Variants in DDX21 observed in about 807,000 individuals in gnomAD.
The protein encoded by DDX21 is DExD-box helicase 21, also known as nucleolar RNA helicase 2.
Under a neutral mutation model 90.0 loss-of-function variants are expected in DDX21, and 18 were observed. The observed-to-expected ratio is 0.20, with a 90% CI of 0.14 to 0.30. The LOEUF is 0.30. Among genes scored for constraint, DDX21 ranks in the 10% least tolerant of loss-of-function variants. The pLI is 1.00. For missense variants in DDX21, 673 were observed against 944.5 expected (o/e 0.71, Z 3.77); for synonymous variants, 294 against 318.0 (o/e 0.92, Z 0.80).
intron 8 of DDX21, among the ~76,000 whole-genome samples, chr10:68,970,787 C>G (rs369665650): frequency 6.6e-6 from 1 of 151,738 alleles, no homozygotes; most frequent in African/African-American, 2.4e-5. Flanking sequence ...CAAGTAGCTG[C>G]GATTACAGGC....
chr10:68,968,844 C>A, intron 6 of DDX21, 132 bp from the exon 7 acceptor site: 2 of 933,792 alleles, frequency 2.1e-6, no homozygotes, highest in Non-Finnish European at 1.6e-6. Context: ...GTTTTGTGTC[C>A]TCAGTGCCCG....
intron 11 of DDX21, among the ~76,000 whole-genome samples, chr10:68,976,862 C>A (rs1371499506): frequency 6.6e-6 from 1 of 152,138 alleles, no homozygotes; most frequent in East Asian, 1.9e-4. Context: ...AATAGTGACC[C>A]CCTTAAGAAT....
intron 7 of DDX21, among the ~76,000 whole-genome samples, chr10:68,969,755 T>G (rs1351700673): frequency 6.6e-6 from 1 of 152,208 alleles, no homozygotes; most frequent in East Asian, 1.9e-4. Flanking sequence ...AGTTTAAAAT[T>G]TCACCTTTGA....
In DDX21 at chr10:68,956,252, T is replaced by C. The variant is rs775845397; in HGVS notation, c.27T>C (p.Ala9=). The change falls in exon 1 of 15, where the codon GCT becomes GCC. Residue 9 remains alanine, a synonymous_variant. Transcript: ENST00000354185. MPGKLRSD[A]GLESDTAMKK... ...TGCCGGGAAAACTCCGTAGTGACGCTGGTTTGGAATCAGACACCGCAATGA... is the reference window on the plus strand; with the variant it reads ...TGCCGGGAAAACTCCGTAGTGACGCCGGTTTGGAATCAGACACCGCAATGA... 1 of 1,614,108 alleles carries C rather than the reference T, an allele frequency of 6.2e-7. No individual in the cohort carries two copies. The highest frequency in any genetic ancestry group is 1.1e-5 in the South Asian group (1 of 91,082).
rs1375433778 is a variant in DDX21, at chr10:68,973,624, A to G, written c.1628A>G (p.His543Arg). The G allele has an allele frequency of 1.9e-6, 3 of 1,614,188 alleles. No individual in the cohort carries two copies. The African/African-American group carries it at 4.0e-5, about 22-fold the overall frequency. Residue 543 changes from histidine (H) to arginine (R), a missense_variant, in exon 10 of 15, where the codon CAC (histidine) becomes CGC (arginine). This residue lies in a region of DDX21 where 225 missense variants were observed against 298.8 expected (regional missense o/e 0.75). Coordinates refer to ENST00000354185, the MANE Select transcript of DDX21 (RefSeq NM_004728.4). ...GGGGTGTGCATCTGCTTTTATCAGC[A>G]CAAGGAAGAATATCAGTTAGTACAA... ...RTGVCICFYQ[H>R]KEEYQLVQVE...
At chr10:68,979,488 T>TA (rs1339241682) in intron 13 of DDX21, among the ~76,000 whole-genome samples, 2 of 152,220 alleles carry the variant, frequency 1.3e-5, no homozygotes, top group Non-Finnish European at 2.9e-5. Context: ...TATTGATACT[T>TA]ACTGTATTAG....
Position 68,956,294 on chromosome 10 carries a change from G to A in DDX21, c.69G>A (p.Leu23=). The A allele has an allele frequency of 5.0e-6, 8 of 1,614,234 alleles. No individual in the cohort carries two copies. Among genetic ancestry groups the A allele is most frequent in the Non-Finnish European group, 5.1e-6 (6 of 1,180,038 alleles). ...CCGCAATGAAAAAAGGGGAGACACT[G>A]CGAAAGCAAACCGAGGAGGTGAAAC... ...SDTAMKKGET[L]RKQTEEKEKK... is the part of the protein sequence containing the mutation. The change falls in exon 1 of 15, where the codon CTG becomes CTA. Residue 23 remains leucine, a synonymous_variant. Coordinates refer to ENST00000354185, the MANE Select transcript of DDX21 (RefSeq NM_004728.4).
chr10:68,956,363 C>A, intron 1 of DDX21, 51 bp downstream of exon 1: 1 of 1,609,282 alleles, frequency 6.2e-7, no homozygotes, highest in Non-Finnish European at 8.5e-7. Flanking sequence ...GAGCGGAACC[C>A]CGGGGTGCGG....
At chr10:68,956,626 C>G in intron 1 of DDX21, 13 of 1,198,596 alleles carry the variant, frequency 1.1e-5, no homozygotes, top group Non-Finnish European at 1.4e-5. Context: ...CACGTGGTCC[C>G]CGGCGACTTG....
At chr10:68,963,221 C>A in intron 3 of DDX21, 70 bp from the exon 4 acceptor site, 1 of 1,474,830 alleles carries the variant, frequency 6.8e-7, no homozygotes, top group Non-Finnish European at 9.2e-7. Context: ...GAGTAGTATA[C>A]TTCAGTATGT....
Position 68,962,161 on chromosome 10 carries a change from A to G in DDX21, c.607+4A>G, listed in dbSNP as rs1226229513. On this transcript the variant is annotated splice_donor_region_variant and intron_variant, in intron 3 of 14. Coordinates refer to ENST00000354185, the MANE Select transcript of DDX21 (RefSeq NM_004728.4). ...GAAACTATTAAACTTCTCAAAGGTA[A>G]TGTTCTTGGAAATATCGTATGATGT... 1.9e-6 allele frequency: 3 copies of G among 1,586,026 alleles called. No homozygotes were observed. Among genetic ancestry groups the G allele is most frequent in the East Asian group, 2.2e-5 (1 of 44,660 alleles).
intron 5 of DDX21, 106 bp downstream of exon 5, chr10:68,965,600 G>A (rs956867298): frequency 1.1e-5 from 9 of 783,312 alleles, no homozygotes; most frequent in South Asian, 6.9e-5. Flanking sequence ...TAGGATAGTC[G>A]TTTATGGGGA....
At chr10:68,956,396 G>C (rs1244571453) in intron 1 of DDX21, 84 bp downstream of exon 1, 7 of 1,578,666 alleles carry the variant, frequency 4.4e-6, no homozygotes, top group Non-Finnish European at 6.0e-6. Flanking sequence ...GGCTGGGATC[G>C]TGGGAGCGCG....
At chr10:68,972,789 C>T (rs10998511) in intron 9 of DDX21, among the ~76,000 whole-genome samples, 11,720 of 152,172 alleles carry the variant, frequency 0.077, 623 homozygotes, top group African/African-American at 0.14. Context: ...TACATACTGC[C>T]TAACTTTTTA....
rs549122170 is a variant in DDX21 at position 68,974,853 on chromosome 10, A to G, written c.1742+110A>G. On this transcript the variant is annotated intron_variant, in intron 11 of 14. Transcript: ENST00000354185. ...AAAAATTTTTTTTTTAAAATTTTTG[A>G]GACAGGGTCTCACTATGTTGCCCAG... 5.2e-5 allele frequency: 41 copies of G among 792,990 alleles called. No individual in the cohort carries two copies. The South Asian group carries it at 7.2e-4, about 14-fold the overall frequency. The allele number at this position is 792,990 out of a possible 1,614,324, so 49.1% of individuals were successfully genotyped here.
In DDX21 at chr10:68,974,745, T is replaced by TA. The variant is rs1472510876; in HGVS notation, c.1742+3dup. On this transcript the variant is annotated splice_region_variant and intron_variant, in intron 11 of 14. Transcript: ENST00000354185. ...AGCTTCCAGCAAAGATGCCATCAGG[T>TA]ATGTTCCCTACCACTGCTATGGTCT... The TA allele has an allele frequency of 6.2e-7, 1 of 1,611,512 alleles. No homozygotes were observed. The highest frequency in any genetic ancestry group is 8.5e-7 in the Non-Finnish European group (1 of 1,177,732).
At position 68,956,745 on chromosome 10, in the gene DDX21, C is replaced by T. The variant is rs576127318; in HGVS notation, c.87+433C>T. ...GCGCGAAGGAAGTTACACGTCAAGT[C>T]AAAGTGGGTACTGGAGGCCGGGTGC... is the stretch of plus-strand genomic sequence containing the variant. On this transcript the variant is annotated intron_variant, in intron 1 of 14. Coordinates refer to ENST00000354185, the MANE Select transcript of DDX21 (RefSeq NM_004728.4). 175 of 1,019,952 alleles carry T rather than the reference C, an allele frequency of 1.7e-4. 3 individuals are homozygous for T. In the South Asian group the frequency reaches 5.7e-3, roughly 33 times the overall value. The allele number at this position is 1,019,952 out of a possible 1,614,324, so 63.2% of individuals were successfully genotyped here.
intron 14 of DDX21, among the ~76,000 whole-genome samples, chr10:68,982,271 G>C (rs1454123054): frequency 6.6e-6 from 1 of 152,182 alleles, no homozygotes; most frequent in African/African-American, 2.4e-5. Flanking sequence ...TAGATACCCT[G>C]TAGCAATTGA....
At chr10:68,978,187 C>G (rs1843133011) in intron 12 of DDX21, among the ~76,000 whole-genome samples, 1 of 152,012 alleles carries the variant, frequency 6.6e-6, no homozygotes, top group African/African-American at 2.4e-5. Flanking sequence ...TCCATAGAGG[C>G]AGAAAATATG....
Sources: gnomAD v4.1 joint callset for allele counts (sites outside exome capture counted in the v4.1 genomes callset) on GRCh38, gnomAD v4.1.1 for gene constraint, gnomAD v4.1.1 regional missense constraint, MANE v1.5 for transcripts, NCBI Gene and HGNC (gene_info 2026-07-23, HGNC 2026-07-21) for gene names.